The following EFTUD2 variants were observed in gnomAD, a reference collection of about 807,000 sequenced individuals.
EFTUD2 encodes 116 kDa U5 small nuclear ribonucleoprotein component.
In EFTUD2, 9 loss-of-function variants were observed where a neutral mutation model predicts 114.3. The ratio of observed to expected loss-of-function variants is 0.08; its 90% CI spans 0.05 to 0.14. EFTUD2 has a LOEUF of 0.14. Among genes scored for constraint, EFTUD2 ranks in the 10% least tolerant of loss-of-function variants. EFTUD2 has a pLI of 1.00. For synonymous variants in EFTUD2, 449 were observed against 462.3 expected (o/e 0.97, Z 0.37); for missense variants, 765 against 1,241.2 (o/e 0.62, Z 5.76).
chr17:44,864,554 T>C (rs536009069), intron 14 of EFTUD2, among the ~76,000 whole-genome samples: 2 of 152,268 alleles, frequency 1.3e-5, no homozygotes, highest in African/African-American at 4.8e-5. Flanking sequence ...TCACGTGCCT[T>C]CTGTGTAACT....
At chr17:44,852,321 C>G in intron 26 of EFTUD2, 88 bp downstream of exon 26, 2 of 1,552,730 alleles carry the variant, frequency 1.3e-6, no homozygotes, top group Non-Finnish European at 1.8e-6. Context: ...GTACACCTCA[C>G]TTAGGGCTTG....
Position 44,851,052 on chromosome 17 carries a change from C to T in EFTUD2, c.*222G>A. Reference sequence around the variant, plus strand: ...TGTGAGCCCAAGCTCCTCTCTTTTCCTTGGGAATGGAGCCCGGCAGAGGCC... The same window carrying T: ...TGTGAGCCCAAGCTCCTCTCTTTTCTTTGGGAATGGAGCCCGGCAGAGGCC... On this transcript the variant is annotated 3_prime_UTR_variant, in exon 28 of 28. Transcript: ENST00000426333. 1 of 504,340 alleles carries T rather than the reference C, an allele frequency of 2.0e-6. No individual in the cohort carries two copies. The highest frequency in any genetic ancestry group is 3.2e-5 in the East Asian group (1 of 31,360). 31.2% of individuals were successfully genotyped at this position (504,340 alleles called of 1,614,324 possible).
rs1206607178 is a variant in EFTUD2 at position 44,853,570 on chromosome 17, C to T, written c.2413G>A (p.Gly805Arg). Residue 805 changes from glycine (G) to arginine (R), a missense_variant, in exon 24 of 28, where the codon GGG becomes AGG. Gly to Arg is a moderately radical substitution (Grantham distance 125). Transcript: ENST00000426333. ...VVAQEPLHRG[G>R]GQIIPTARRV... is the part of the protein sequence containing the mutation. ...CTGGCTGTGGGGATGATCTGGCCCC[C>T]GCCCCGGTGCAGGGGCTCCTGGGCA... The T allele has an allele frequency of 2.5e-6, 4 of 1,614,070 alleles. No homozygotes were observed. Among genetic ancestry groups the T allele is most frequent in the South Asian group, 2.2e-5 (2 of 91,092 alleles).
chr17:44,863,468 A>G (rs1230904384), intron 15 of EFTUD2, 187 bp downstream of exon 15: 6 of 692,496 alleles, frequency 8.7e-6, no homozygotes, highest in African/African-American at 1.8e-5. Flanking sequence ...AGGAAATGTG[A>G]GTAATGTTCC....
Position 44,850,524 on chromosome 17 carries a change from G to A in EFTUD2, c.*750C>T, listed in dbSNP as rs1156881369. ...GGGAGAACAGAGTAAGGGACTGGTG[G>A]TAGCTGGGGAGAGGACTTGGAGTAA... is the stretch of plus-strand genomic sequence containing the variant. On this transcript the variant is annotated 3_prime_UTR_variant, in exon 28 of 28. Transcript: ENST00000426333. The A allele has an allele frequency of 3.0e-6, 2 of 662,332 alleles. No homozygotes were observed. Among genetic ancestry groups the A allele is most frequent in the Admixed American group, 5.0e-5 (2 of 39,610 alleles). 41.0% of individuals were successfully genotyped at this position (662,332 alleles called of 1,614,324 possible). A position where few individuals can be genotyped will look rare whatever the true frequency, so the allele number is the denominator to read the frequency against.
At chr17:44,865,274 C>T in intron 13 of EFTUD2, 1 of 558,808 alleles carries the variant, frequency 1.8e-6, no homozygotes, top group Non-Finnish European at 3.0e-6. Flanking sequence ...AACTTGGTTA[C>T]ATCCCCATCC....
intron 2 of EFTUD2, among the ~76,000 whole-genome samples, chr17:44,893,777 G>T (rs1401124103): frequency 1.2e-4 from 15 of 120,292 alleles, no homozygotes; most frequent in African/African-American, 3.6e-4. Context: ...TGGGGGGGGG[G>T]GTGGGGGGGC....
chr17:44,855,164 A>G (rs1200626826), intron 20 of EFTUD2, among the ~76,000 whole-genome samples, 160 bp from the exon 21 acceptor site: 2 of 152,186 alleles, frequency 1.3e-5, no homozygotes, highest in African/African-American at 2.4e-5. Flanking sequence ...GCACTTTGAG[A>G]GGCCAAGGCA....
At chr17:44,879,504 T>TG in intron 9 of EFTUD2, 52 bp downstream of exon 9, 1 of 1,580,400 alleles carries the variant, frequency 6.3e-7, no homozygotes, top group Non-Finnish European at 8.7e-7. Context: ...TGTTGCGGGG[T>TG]GGGGGCAAAC....
rs774593606 is a variant in EFTUD2 at position 44,865,024 on chromosome 17, G to A, written c.1191C>T (p.Asp397=). The stretch of plus-strand genomic sequence containing the variant: ...CCTTCGTCAGGTGGATGCCAAGCTC[G>A]TCTAGGGTCCGTGGGAGGCTGGTGT... ...DVDTSLPRTL[D]ELGIHLTKEE... The change falls in exon 14 of 28, where the codon GAC becomes GAT. Residue 397 remains aspartate, a synonymous_variant. Transcript: ENST00000426333. 35 of 1,614,080 alleles carry A rather than the reference G, an allele frequency of 2.2e-5. No individual in the cohort carries two copies. The highest frequency in any genetic ancestry group is 5.0e-5 in the Admixed American group (3 of 60,002).
In EFTUD2 at chr17:44,852,534, G is replaced by T; in HGVS notation, c.2590C>A (p.Pro864Thr). The change falls in exon 26 of 28, where the codon CCA becomes ACA. Residue 864 changes from proline (P) to threonine (T), a missense_variant. This residue lies in a region of EFTUD2 where 166 missense variants were observed against 401.5 expected (regional missense o/e 0.41). Transcript: ENST00000426333. ...TTGATGGTGTACAGAGGGGAGCCTG[G>T]GATGGGTGCATCCTGAGTCACGTGC... Reference protein sequence around the residue: ...RGHVTQDAPIPGSPLYTIKAF... With the variant: ...RGHVTQDAPITGSPLYTIKAF... 1.9e-6 allele frequency: 3 copies of T among 1,614,096 alleles called. No individual in the cohort carries two copies. The highest frequency in any genetic ancestry group is 2.5e-6 in the Non-Finnish European group (3 of 1,180,028).
rs149288120 is a variant in EFTUD2 at position 44,862,847 on chromosome 17, G to A, written c.1473C>T (p.His491=). 2.2e-5 allele frequency: 35 copies of A among 1,614,060 alleles called. No individual in the cohort carries two copies. The highest frequency in any genetic ancestry group is 1.0e-4 in the Admixed American group (6 of 60,006). ...TGCCACTCAGCACCCGGCCAAAGGC[G>A]TGAAACTGGACTCCATCATCTGTGC... The part of the protein sequence containing the change: ...MYSTDDGVQF[H]AFGRVLSGTI... Residue 491 remains histidine (H), a synonymous_variant, in exon 16 of 28, where the codon CAC becomes CAT. Transcript: ENST00000426333.
chr17:44,891,608 C>T (rs2051280962), intron 2 of EFTUD2, among the ~76,000 whole-genome samples: 1 of 152,190 alleles, frequency 6.6e-6, no homozygotes, highest in South Asian at 2.1e-4. Flanking sequence ...CCTTGACCTT[C>T]CAAAGTGCTG....
chr17:44,886,248 A>G (rs2051170485), intron 3 of EFTUD2, among the ~76,000 whole-genome samples: 1 of 152,144 alleles, frequency 6.6e-6, no homozygotes, highest in South Asian at 2.1e-4. Flanking sequence ...AAAGAAAAAG[A>G]AATGGACAAT....
chr17:44,892,299 G>A (rs986189501), intron 2 of EFTUD2: 9 of 152,188 alleles, frequency 5.9e-5, no homozygotes, highest in African/African-American at 2.2e-4. Flanking sequence ...ACCAGCCTGA[G>A]CAACATAGTG....
Position 44,883,652 on chromosome 17 carries a change from G to A in EFTUD2, c.423C>T (p.Gly141=), listed in dbSNP as rs1416277005. ...GTAGCTGAAAGTTCCGTCTTACCTT[G>A]CCATGGTGGAGATGTCCACAAAGGG... ...NVTLCGHLHH[G]KTCFVDCLIE... Residue 141 remains glycine (G), a synonymous_variant, in exon 5 of 28, where the codon GGC becomes GGT. Transcript: ENST00000426333. 1 of 1,613,714 alleles carries A rather than the reference G, an allele frequency of 6.2e-7. No homozygotes were observed. Among genetic ancestry groups the A allele is most frequent in the Non-Finnish European group, 8.5e-7 (1 of 1,179,712 alleles).
intron 1 of EFTUD2, among the ~76,000 whole-genome samples, chr17:44,898,107 T>C (rs1003116320): frequency 1.3e-5 from 2 of 152,240 alleles, no homozygotes; most frequent in South Asian, 2.1e-4. Context: ...TAAATTATTA[T>C]GGAAACTTTC....
At chr17:44,889,898 T>C (rs1441269723) in intron 2 of EFTUD2, among the ~76,000 whole-genome samples, 1 of 152,256 alleles carries the variant, frequency 6.6e-6, no homozygotes. Context: ...TTTTATATAA[T>C]AATTTCTGAC....
intron 10 of EFTUD2, among the ~76,000 whole-genome samples, chr17:44,874,034 TC>T (rs2050903904): frequency 7.6e-6 from 1 of 131,336 alleles, no homozygotes; most frequent in African/African-American, 2.8e-5. Flanking sequence ...GTGCCCGGCC[TC>T]TTTTTTTTTT....
Sources: gnomAD v4.1 joint callset for allele counts (sites outside exome capture counted in the v4.1 genomes callset) on GRCh38, gnomAD v4.1.1 for gene constraint, gnomAD v4.1.1 regional missense constraint, MANE v1.5 for transcripts, NCBI Gene and HGNC (gene_info 2026-07-23, HGNC 2026-07-21) for gene names.